Variants in ST6GALNAC3 observed in about 807,000 individuals in gnomAD.
ST6GALNAC3 encodes ST6 N-acetylgalactosaminide alpha-2,6-sialyltransferase 3.
A neutral mutation model predicts 32.7 loss-of-function variants in ST6GALNAC3; 25 were observed. The observed-to-expected ratio is 0.76, with a 90% CI of 0.56 to 1.07. The LOEUF is 1.07. ST6GALNAC3 is among the 50% of genes least tolerant of loss of function. The pLI is 0.00. For synonymous variants in ST6GALNAC3, 129 were observed against 133.1 expected (o/e 0.97, Z 0.21); for missense variants, 355 against 382.4 (o/e 0.93, Z 0.60).
chr1:76,413,229 A>G (rs1263143659), intron 3 of ST6GALNAC3, among the ~76,000 whole-genome samples: 1 of 152,128 alleles, frequency 6.6e-6, no homozygotes, highest in Non-Finnish European at 1.5e-5. Context: ...TAGAAAGATA[A>G]CTATTAAAAC....
chr1:76,556,021 G>A (rs1324352396), intron 3 of ST6GALNAC3, among the ~76,000 whole-genome samples: 3 of 152,012 alleles, frequency 2.0e-5, no homozygotes, highest in East Asian at 1.9e-4. Context: ...CCCATTAGCA[G>A]TCTACTCCCC....
At chr1:76,090,875 C>T (rs763403875) in intron 1 of ST6GALNAC3, among the ~76,000 whole-genome samples, 8 of 152,182 alleles carry the variant, frequency 5.3e-5, no homozygotes, top group African/African-American at 1.4e-4. Context: ...CAAAACTAAA[C>T]GTAATGGAGC....
intron 1 of ST6GALNAC3, among the ~76,000 whole-genome samples, chr1:76,160,284 C>A (rs1012574112): frequency 1.3e-5 from 2 of 152,100 alleles, no homozygotes; most frequent in Non-Finnish European, 2.9e-5. Context: ...CATTGGGGAG[C>A]TCTCAGAGGA....
intron 4 of ST6GALNAC3, among the ~76,000 whole-genome samples, chr1:76,627,890 T>A (rs1180252881): frequency 6.6e-6 from 1 of 151,978 alleles, no homozygotes; most frequent in Non-Finnish European, 1.5e-5. Context: ...TCTGCTGCTC[T>A]GATGGCTTGA....
At chr1:76,332,873 C>G (rs1044205152) in intron 2 of ST6GALNAC3, among the ~76,000 whole-genome samples, 1 of 152,018 alleles carries the variant, frequency 6.6e-6, no homozygotes, top group Non-Finnish European at 1.5e-5. Flanking sequence ...AACTCCTTAC[C>G]TTCTAGGTCT....
In ST6GALNAC3 at chr1:76,563,983, G is replaced by T. The variant is rs572851499; in HGVS notation, c.624-63469G>T. On this transcript the variant is annotated intron_variant, in intron 3 of 4. Coordinates refer to ENST00000328299, the MANE Select transcript of ST6GALNAC3 (RefSeq NM_152996.4). The stretch of plus-strand genomic sequence containing the variant: ...ATCCCAAGTCCAGGGAAGGGAAAGG[G>T]ATGCCAAGAAGTAGACAAGAGGTAC... Among the ~76,000 whole-genome samples the T allele has an allele frequency of 2.8e-4, 43 of 152,286 alleles. 1 individual carries two copies. In the East Asian group the frequency reaches 7.7e-3, roughly 27 times the overall value.
intron 3 of ST6GALNAC3, among the ~76,000 whole-genome samples, chr1:76,562,137 T>C (rs1267642540): frequency 6.6e-6 from 1 of 152,110 alleles, no homozygotes; most frequent in African/African-American, 2.4e-5. Context: ...GGACAGTGTT[T>C]CTCCTTGGGC....
At chr1:76,277,431 A>G (rs1557746701) in intron 1 of ST6GALNAC3, among the ~76,000 whole-genome samples, 1 of 151,562 alleles carries the variant, frequency 6.6e-6, no homozygotes, top group African/African-American at 2.4e-5. Context: ...GGAAAAGATA[A>G]GTGGAAACAA....
chr1:76,329,108 A>G (rs1167852057), intron 2 of ST6GALNAC3, among the ~76,000 whole-genome samples: 2 of 152,186 alleles, frequency 1.3e-5, no homozygotes, highest in African/African-American at 4.8e-5. Flanking sequence ...TCATCTCTTC[A>G]GTAAGTGGTG....
At chr1:76,272,050 G>A (rs879281256) in intron 1 of ST6GALNAC3, among the ~76,000 whole-genome samples, 16 of 151,934 alleles carry the variant, frequency 1.1e-4, no homozygotes, top group Non-Finnish European at 2.1e-4. Flanking sequence ...AATTAAAGCC[G>A]GGCGCGGTGG....
intron 3 of ST6GALNAC3, among the ~76,000 whole-genome samples, chr1:76,425,094 G>C (rs1436722766): frequency 6.6e-6 from 1 of 152,000 alleles, no homozygotes; most frequent in East Asian, 1.9e-4. Context: ...GTAAATTATA[G>C]TGAGAGGGAT....
At chr1:76,196,647 G>C (rs1190706817) in intron 1 of ST6GALNAC3, among the ~76,000 whole-genome samples, 1 of 151,990 alleles carries the variant, frequency 6.6e-6, no homozygotes, top group African/African-American at 2.4e-5. Flanking sequence ...TGTATTTTTA[G>C]TAGAGATGGT....
chr1:76,525,264 C>T (rs1464880140), intron 3 of ST6GALNAC3, among the ~76,000 whole-genome samples: 4 of 151,978 alleles, frequency 2.6e-5, no homozygotes, highest in East Asian at 1.9e-4. Context: ...CTTGTGAAGA[C>T]GTCTAGGAAC....
rs1654343750 is a variant in ST6GALNAC3, at chr1:76,198,624, GAA to G, written c.19-115180_19-115179del. 2.0e-5 allele frequency among the ~76,000 whole-genome samples: 3 copies of G among 152,144 alleles called. No individual in the cohort carries two copies. In the South Asian group the frequency reaches 6.2e-4, roughly 31 times the overall value. Reference sequence around the variant, plus strand: ...GACATGAATGGTGGAGGAGAGAGAGGAATCAAGTCTGCCTCAAGGTTTCTGGC... The same window carrying G: ...GACATGAATGGTGGAGGAGAGAGAGGTCAAGTCTGCCTCAAGGTTTCTGGC... On this transcript the variant is annotated intron_variant, in intron 1 of 4. Transcript: ENST00000328299.
At chr1:76,282,185 C>G (rs751780898) in intron 1 of ST6GALNAC3, among the ~76,000 whole-genome samples, 1 of 151,798 alleles carries the variant, frequency 6.6e-6, no homozygotes, top group Non-Finnish European at 1.5e-5. Context: ...TTTTCCTTCC[C>G]TTTGTCCTGC....
intron 3 of ST6GALNAC3, among the ~76,000 whole-genome samples, chr1:76,545,855 C>T (rs547046799): frequency 2.2e-3 from 333 of 152,226 alleles, no homozygotes; most frequent in Non-Finnish European, 3.1e-3. Context: ...GACAGGGTTT[C>T]TCCATGTTGG....
chr1:76,343,604 G>A (rs760106043), intron 2 of ST6GALNAC3, among the ~76,000 whole-genome samples: 1 of 152,212 alleles, frequency 6.6e-6, no homozygotes, highest in Non-Finnish European at 1.5e-5. Flanking sequence ...GTCAAATGCT[G>A]ATGTGCAGGC....
intron 1 of ST6GALNAC3, among the ~76,000 whole-genome samples, chr1:76,232,164 A>G (rs1231246487): frequency 2.6e-5 from 4 of 152,192 alleles, no homozygotes; most frequent in Non-Finnish European, 5.9e-5. Context: ...TGTTTTACCT[A>G]TAGTGGTTGA....
rs531203605 is a variant in ST6GALNAC3 at position 76,400,656 on chromosome 1, G to A, written c.214-11352G>A. Among the ~76,000 whole-genome samples the A allele has an allele frequency of 1.2e-3, 189 of 152,040 alleles. 1 individual carries two copies. The highest frequency in any genetic ancestry group is 2.0e-3 in the Non-Finnish European group (135 of 68,002). ...AATCCCAGCACTTTGGGAGGCTGAG[G>A]CAGGCAGATCACCTGAGGTTAGGAG... On this transcript the variant is annotated intron_variant, in intron 2 of 4. Coordinates refer to ENST00000328299, the MANE Select transcript of ST6GALNAC3 (RefSeq NM_152996.4).
Sources: allele counts gnomAD v4.1 joint callset (sites outside exome capture counted in the v4.1 genomes callset), GRCh38; gene constraint gnomAD v4.1.1; transcripts MANE v1.5; gene names NCBI Gene and HGNC (gene_info 2026-07-23, HGNC 2026-07-21).